The following CHST11 variants were observed in gnomAD, a reference collection of about 807,000 sequenced individuals.
CHST11 encodes carbohydrate sulfotransferase 11, also known as C4S-1.
In CHST11, 9 loss-of-function variants were observed where a neutral mutation model predicts 30.4. That is an observed-to-expected ratio of 0.30 (90% CI 0.18 to 0.52). The LOEUF is 0.52. Among genes scored for constraint, CHST11 ranks in the 20% least tolerant of loss-of-function variants. The pLI, the probability that CHST11 is intolerant of heterozygous loss-of-function variation, is 0.97. For missense variants in CHST11, 348 were observed against 460.6 expected, an observed-to-expected ratio of 0.76 and a Z score of 2.24; for synonymous variants, 152 against 187.8, an observed-to-expected ratio of 0.81 and a Z score of 1.56.
chr12:104,582,497 G>A (rs1819831203), intron 1 of CHST11, among the ~76,000 whole-genome samples: 1 of 152,090 alleles, frequency 6.6e-6, no homozygotes, highest in African/African-American at 2.4e-5. Context: ...TTAAACCCCA[G>A]GCCCCTGTTT....
At chr12:104,719,095 A>C (rs1305346773) in intron 2 of CHST11, among the ~76,000 whole-genome samples, 1 of 152,092 alleles carries the variant, frequency 6.6e-6, no homozygotes, top group Non-Finnish European at 1.5e-5. Flanking sequence ...TTGCTGGGTG[A>C]GGGCTGGGCT....
intron 2 of CHST11, among the ~76,000 whole-genome samples, chr12:104,728,832 A>G (rs2040235117): frequency 6.6e-6 from 1 of 152,224 alleles, no homozygotes; most frequent in Non-Finnish European, 1.5e-5. Flanking sequence ...AGAAAGGCAG[A>G]CATGAGTGTG....
intron 2 of CHST11, among the ~76,000 whole-genome samples, chr12:104,694,144 G>C (rs747758592): frequency 2.0e-5 from 3 of 152,086 alleles, no homozygotes; most frequent in African/African-American, 7.2e-5. Flanking sequence ...AGAAAGCTTT[G>C]CCAGGTATTG....
chr12:104,537,749 G>A (rs2038251085), intron 1 of CHST11, among the ~76,000 whole-genome samples: 1 of 140,326 alleles, frequency 7.1e-6, no homozygotes, highest in East Asian at 2.2e-4. Flanking sequence ...AGGCTGGAGT[G>A]CAGTGATGCC....
chr12:104,591,378 A>G (rs1335766686), intron 1 of CHST11, among the ~76,000 whole-genome samples: 2 of 152,044 alleles, frequency 1.3e-5, no homozygotes, highest in African/African-American at 2.4e-5. Context: ...GGTTTTTGTC[A>G]TAGCCCAAGG....
chr12:104,474,814 A>G (rs1428045464), intron 1 of CHST11, among the ~76,000 whole-genome samples: 2 of 152,172 alleles, frequency 1.3e-5, no homozygotes, highest in Non-Finnish European at 2.9e-5. Context: ...TGGGGACCCC[A>G]CATGTGTTAC....
At chr12:104,742,134 A>G (rs1448199420) in intron 2 of CHST11, among the ~76,000 whole-genome samples, 1 of 152,222 alleles carries the variant, frequency 6.6e-6, no homozygotes, top group Non-Finnish European at 1.5e-5. Flanking sequence ...GACCCTGAGA[A>G]GTAGACTTTA....
intron 1 of CHST11, among the ~76,000 whole-genome samples, chr12:104,538,297 A>G (rs2038256887): frequency 6.6e-6 from 1 of 152,168 alleles, no homozygotes; most frequent in Admixed American, 6.5e-5. Flanking sequence ...TTTCTCATGA[A>G]TTGACTGAGG....
At chr12:104,730,235 G>C (rs186178819) in intron 2 of CHST11, among the ~76,000 whole-genome samples, 1 of 152,314 alleles carries the variant, frequency 6.6e-6, no homozygotes, top group East Asian at 1.9e-4. Flanking sequence ...CTCATTTACT[G>C]TGTGACCTGA....
Position 104,468,853 on chromosome 12 carries a change from C to T in CHST11, c.118+11324C>T, listed in dbSNP as rs541612417. ...GTAATGTTACCTCTTTTATGGGTGG[C>T]GGTGGTAAAGATTAAATGAGAAGTT... On this transcript the variant is annotated intron_variant, in intron 1 of 2. Coordinates refer to ENST00000303694, the MANE Select transcript of CHST11 (RefSeq NM_018413.6). 1.1e-4 allele frequency among the ~76,000 whole-genome samples: 17 copies of T among 151,834 alleles called. No individual in the cohort carries two copies. The South Asian group carries it at 2.9e-3, about 26-fold the overall frequency.
chr12:104,700,473 A>G (rs1428407874), intron 2 of CHST11, among the ~76,000 whole-genome samples: 2 of 152,198 alleles, frequency 1.3e-5, no homozygotes, highest in Non-Finnish European at 2.9e-5. Context: ...CCAATCATCT[A>G]GGCTCATATC....
chr12:104,610,987 T>C (rs2039055187), intron 2 of CHST11, among the ~76,000 whole-genome samples: 1 of 152,184 alleles, frequency 6.6e-6, no homozygotes, highest in African/African-American at 2.4e-5. Context: ...ATTTTTTTAT[T>C]TGCATGCAAG....
intron 2 of CHST11, among the ~76,000 whole-genome samples, chr12:104,696,946 C>T (rs1304940903): frequency 2.6e-5 from 4 of 152,180 alleles, no homozygotes; most frequent in Non-Finnish European, 5.9e-5. Flanking sequence ...CCCTGTGGAT[C>T]CCTCAGTCTG....
chr12:104,748,346 G>T (rs936922745), intron 2 of CHST11, among the ~76,000 whole-genome samples: 1 of 152,156 alleles, frequency 6.6e-6, no homozygotes. Context: ...GGTGTTATAG[G>T]GGTCGAATTG....
Position 104,685,185 on chromosome 12 carries a change from T to A in CHST11, c.205-71764T>A, listed in dbSNP as rs139011425. On this transcript the variant is annotated intron_variant, in intron 2 of 2. Transcript: ENST00000303694. ...ATCTGCAAAACCTCATCTGTCTCAT[T>A]GCTCCAGAAGCATTAGGTGTAAGGC... Among the ~76,000 whole-genome samples the A allele has an allele frequency of 3.9e-3, 598 of 152,342 alleles. 6 individuals carry two copies. Among genetic ancestry groups the A allele is most frequent in the African/African-American group, 0.014 (583 of 41,578 alleles).
Position 104,616,890 on chromosome 12 carries a change from C to T in CHST11, c.204+14899C>T, listed in dbSNP as rs951714537. On this transcript the variant is annotated intron_variant, in intron 2 of 2. Transcript: ENST00000303694. ...TTAGGTCACAAAGGACGAGTGGTCCCAGAGTTTGTGTAGATTGCTGAGACG... is the reference window on the plus strand; with the variant it reads ...TTAGGTCACAAAGGACGAGTGGTCCTAGAGTTTGTGTAGATTGCTGAGACG... Among the ~76,000 whole-genome samples, 5 of 152,256 alleles carry T rather than the reference C, an allele frequency of 3.3e-5. No homozygotes were observed. In the East Asian group the frequency reaches 9.6e-4, roughly 29 times the overall value.
chr12:104,667,171 G>A (rs564338503), intron 2 of CHST11, among the ~76,000 whole-genome samples: 2 of 152,306 alleles, frequency 1.3e-5, no homozygotes, highest in East Asian at 1.9e-4. Flanking sequence ...GCAGAGTCTG[G>A]TTTTTAACAG....
At chr12:104,682,112 CG>C (rs2039802905) in intron 2 of CHST11, among the ~76,000 whole-genome samples, 1 of 152,108 alleles carries the variant, frequency 6.6e-6, no homozygotes, top group African/African-American at 2.4e-5. Flanking sequence ...GGATTACAGG[CG>C]TGAGCCACCG....
At chr12:104,620,334 T>C (rs1261009768) in intron 2 of CHST11, among the ~76,000 whole-genome samples, 1 of 152,232 alleles carries the variant, frequency 6.6e-6, no homozygotes, top group Non-Finnish European at 1.5e-5. Context: ...GTGTGACTTC[T>C]TCAAGGAACT....
Sources: gnomAD v4.1 joint callset for allele counts (sites outside exome capture counted in the v4.1 genomes callset) on GRCh38, gnomAD v4.1.1 for gene constraint, MANE v1.5 for transcripts, NCBI Gene and HGNC (gene_info 2026-07-23, HGNC 2026-07-21) for gene names.